Variants in COLEC10 observed in about 807,000 individuals in gnomAD.
COLEC10 encodes collectin subfamily member 10.
A neutral mutation model predicts 28.4 loss-of-function variants in COLEC10; 22 were observed. The ratio of observed to expected loss-of-function variants is 0.78; its 90% CI spans 0.55 to 1.11. COLEC10 has a LOEUF of 1.11. COLEC10 is among the 50% of genes least tolerant of loss of function. The pLI is 0.00. For synonymous variants in COLEC10, 125 were observed against 116.1 expected, an observed-to-expected ratio of 1.08 and a Z score of -0.49; for missense variants, 361 against 344.1, an observed-to-expected ratio of 1.05 and a Z score of -0.39.
intron 3 of COLEC10, among the ~76,000 whole-genome samples, chr8:119,101,621 T>A (rs1307873242): frequency 6.6e-6 from 1 of 152,196 alleles, no homozygotes; most frequent in East Asian, 1.9e-4. Context: ...TGACTTTGTA[T>A]TATTAGTATT....
chr8:119,076,231 G>A (rs1815231552), intron 1 of COLEC10, among the ~76,000 whole-genome samples: 1 of 149,334 alleles, frequency 6.7e-6, no homozygotes, highest in African/African-American at 2.5e-5. Context: ...ATCTTAATAA[G>A]ACAGGATAGA....
chr8:119,014,316 CT>C (rs954877324), intron 2 of COLEC10, among the ~76,000 whole-genome samples: 4 of 149,826 alleles, frequency 2.7e-5, no homozygotes, highest in African/African-American at 5.0e-5. Flanking sequence ...TTCTCCTTCA[CT>C]TTTGCAGAAT....
At chr8:119,031,465 G>A (rs1350289082) in intron 2 of COLEC10, among the ~76,000 whole-genome samples, 1 of 152,222 alleles carries the variant, frequency 6.6e-6, no homozygotes, top group Non-Finnish European at 1.5e-5. Context: ...GAAGCCACCT[G>A]GCAGGTGGTA....
chr8:119,061,396 G>T (rs1272037040), intron 2 of COLEC10, among the ~76,000 whole-genome samples: 1 of 149,130 alleles, frequency 6.7e-6, no homozygotes, highest in Non-Finnish European at 1.5e-5. Context: ...ATGCTAAAAG[G>T]TCCACATTAA....
intron 1 of COLEC10, among the ~76,000 whole-genome samples, chr8:119,076,067 A>ATTT (rs11330366): frequency 3.3e-5 from 3 of 90,092 alleles, no homozygotes; most frequent in Non-Finnish European, 6.3e-5. Flanking sequence ...CGCCCGGCTA[A>ATTT]TTTTTTTTTT....
At chr8:119,103,920 T>C (rs747933844) in intron 5 of COLEC10, 25 bp downstream of exon 5, 7 of 1,420,784 alleles carry the variant, frequency 4.9e-6, no homozygotes, top group Non-Finnish European at 6.0e-6. Context: ...TTTTGTGTTA[T>C]GTATCTATTG....
chr8:119,004,996 C>A (rs1458418573), intron 1 of COLEC10, among the ~76,000 whole-genome samples: 2 of 152,008 alleles, frequency 1.3e-5, no homozygotes, highest in African/African-American at 4.8e-5. Flanking sequence ...TTCTAACATG[C>A]AGGTATGATC....
Position 119,091,575 on chromosome 8 carries a change from G to GAAAGAA in COLEC10, c.292+356_292+357insAAGAAA, listed in dbSNP as rs1392599626. ...GTCTCGAAAGAAAGAAAGAAAGAAA[G>GAAAGAA]AGAGAGAGAGAGAGAGAGAGAGAAA... On this transcript the variant is annotated intron_variant, in intron 3 of 5. Coordinates refer to ENST00000332843, the MANE Select transcript of COLEC10 (RefSeq NM_006438.5). Among the ~76,000 whole-genome samples, 7 of 87,768 alleles carry GAAAGAA rather than the reference G, an allele frequency of 8.0e-5. No homozygotes were observed. The East Asian group carries it at 2.2e-3, about 28-fold the overall frequency. 57.6% of individuals were successfully genotyped at this position (87,768 alleles called of 152,430 possible). A position where few individuals can be genotyped will look rare whatever the true frequency, so the allele number is the denominator to read the frequency against.
chr8:118,963,106 G>A, the COLEC10 span, among the ~76,000 whole-genome samples: 1 of 152,270 alleles, frequency 6.6e-6, no homozygotes, highest in South Asian at 2.1e-4. Flanking sequence ...GCAAGTCAAG[G>A]TGGAAAGTCT....
At chr8:119,103,666 T>A in intron 4 of COLEC10, 134 bp from the exon 5 acceptor site, 1 of 558,370 alleles carries the variant, frequency 1.8e-6, no homozygotes, top group Non-Finnish European at 3.2e-6. Context: ...AATAAAAGAT[T>A]TAAAGTATAG....
At chr8:118,969,180 C>G in the COLEC10 span, among the ~76,000 whole-genome samples, 1 of 151,972 alleles carries the variant, frequency 6.6e-6, no homozygotes, top group Non-Finnish European at 1.5e-5. Flanking sequence ...CCAACAACCT[C>G]TGGAAGCGAA....
the COLEC10 span, among the ~76,000 whole-genome samples, chr8:118,971,317 T>C: frequency 2.0e-5 from 3 of 151,992 alleles, no homozygotes; most frequent in Admixed American, 6.6e-5. Flanking sequence ...GTTTCTATGC[T>C]GAAAGTCATA....
At chr8:118,959,493 A>G in the COLEC10 span, among the ~76,000 whole-genome samples, 1 of 152,212 alleles carries the variant, frequency 6.6e-6, no homozygotes, top group Admixed American at 6.5e-5. Flanking sequence ...GTATTCAAGG[A>G]GAAAATATAT....
intron 1 of COLEC10, among the ~76,000 whole-genome samples, chr8:119,069,622 AAAAAAAAATATATATATATATATAT>A (rs1397726770): frequency 9.8e-5 from 7 of 71,120 alleles, no homozygotes; most frequent in East Asian, 6.4e-4. Flanking sequence ...AAAAAAAAAA[AAAAAAAAATATATATATATATATAT>A]ATATATATAT....
chr8:118,973,542 A>C, the COLEC10 span, among the ~76,000 whole-genome samples: 5 of 151,986 alleles, frequency 3.3e-5, no homozygotes, highest in South Asian at 8.3e-4. Context: ...ATCGAAGTAC[A>C]CAAGTCAAAA....
At chr8:118,984,066 G>A in the COLEC10 span, among the ~76,000 whole-genome samples, 1 of 149,778 alleles carries the variant, frequency 6.7e-6, no homozygotes, top group Admixed American at 6.6e-5. Context: ...CAATAGCAAA[G>A]ACATAGAATC....
chr8:118,997,622 T>C (rs1813611786), intron 1 of COLEC10, among the ~76,000 whole-genome samples: 1 of 152,204 alleles, frequency 6.6e-6, no homozygotes, highest in Admixed American at 6.6e-5. Context: ...AAACAGAGTC[T>C]AGACCCAGCT....
At chr8:119,087,792 G>A (rs897343574) in intron 1 of COLEC10, among the ~76,000 whole-genome samples, 2 of 152,092 alleles carry the variant, frequency 1.3e-5, no homozygotes, top group Non-Finnish European at 2.9e-5. Flanking sequence ...TGAATCTAGA[G>A]GGATAGAAAC....
At position 119,091,224 on chromosome 8, in the gene COLEC10, A is replaced by G. The variant is rs1218860987; in HGVS notation, c.292+4A>G. The G allele has an allele frequency of 3.1e-6, 5 of 1,609,592 alleles. No homozygotes were observed. In the African/African-American group the frequency reaches 6.7e-5, roughly 22 times the overall value. ...ACTGGGCCCATTGGGAAGAAGGGTA[A>G]GTTGCATCTTACTATTCTCCAGTAG... On this transcript the variant is annotated splice_donor_region_variant and intron_variant, in intron 3 of 5. Coordinates refer to ENST00000332843, the MANE Select transcript of COLEC10 (RefSeq NM_006438.5).
Sources: gnomAD v4.1 joint callset for allele counts (sites outside exome capture counted in the v4.1 genomes callset) on GRCh38, gnomAD v4.1.1 for gene constraint, MANE v1.5 for transcripts, NCBI Gene and HGNC (gene_info 2026-07-23, HGNC 2026-07-21) for gene names.